The following LRRC4C variants were observed in gnomAD, a reference collection of about 807,000 sequenced individuals.
LRRC4C encodes leucine rich repeat containing 4C.
A neutral mutation model predicts 33.6 loss-of-function variants in LRRC4C; 5 were observed. The ratio of observed to expected loss-of-function variants is 0.15; its 90% CI spans 0.08 to 0.31. The LOEUF (loss-of-function observed/expected upper bound fraction) is 0.31, where lower values mean the gene tolerates loss of function less well. LRRC4C is among the 10% of genes least tolerant of loss of function. The pLI is 1.00. For synonymous variants in LRRC4C, 329 were observed against 302.0 expected (o/e 1.09, Z -0.93); for missense variants, 560 against 796.7 (o/e 0.70, Z 3.58).
intron 3 of LRRC4C, among the ~76,000 whole-genome samples, chr11:40,382,995 C>T (rs1018675063): frequency 1.3e-5 from 2 of 152,058 alleles, no homozygotes; most frequent in African/African-American, 4.8e-5. Context: ...TCCCGGCCAA[C>T]ATTGTACTCT....
chr11:41,368,867 T>A (rs1952640679), intron 1 of LRRC4C, among the ~76,000 whole-genome samples: 1 of 152,200 alleles, frequency 6.6e-6, no homozygotes, highest in African/African-American at 2.4e-5. Flanking sequence ...ATCCTAAATA[T>A]CCATTGTAAG....
chr11:40,676,630 C>G (rs1944418456), intron 2 of LRRC4C, among the ~76,000 whole-genome samples: 1 of 152,290 alleles, frequency 6.6e-6, no homozygotes, highest in East Asian at 1.9e-4. Flanking sequence ...AATTTGTCAG[C>G]ATTATAAGAT....
At chr11:40,516,867 G>C (rs1955580153) in intron 3 of LRRC4C, among the ~76,000 whole-genome samples, 1 of 152,090 alleles carries the variant, frequency 6.6e-6, no homozygotes, top group African/African-American at 2.4e-5. Flanking sequence ...AACTCAGAGG[G>C]GGATGTGTCA....
At chr11:40,779,343 A>G (rs1447845617) in intron 2 of LRRC4C, among the ~76,000 whole-genome samples, 2 of 152,240 alleles carry the variant, frequency 1.3e-5, no homozygotes, top group Non-Finnish European at 2.9e-5. Context: ...CATACATCCC[A>G]GAATGTTAAC....
intron 3 of LRRC4C, among the ~76,000 whole-genome samples, chr11:40,620,417 C>A (rs1962337660): frequency 6.6e-6 from 1 of 151,732 alleles, no homozygotes; most frequent in Admixed American, 6.6e-5. Flanking sequence ...CCATAAATTT[C>A]TCTTCCACGG....
chr11:40,244,935 A>G (rs1866212764), intron 4 of LRRC4C, among the ~76,000 whole-genome samples: 1 of 152,210 alleles, frequency 6.6e-6, no homozygotes, highest in African/African-American at 2.4e-5. Flanking sequence ...CTGTATAAAT[A>G]GACTTTTTCC....
At chr11:40,515,123 G>A (rs1433023140) in intron 3 of LRRC4C, among the ~76,000 whole-genome samples, 1 of 152,072 alleles carries the variant, frequency 6.6e-6, no homozygotes, top group Non-Finnish European at 1.5e-5. Flanking sequence ...ATCTATATGT[G>A]CTACTTTGGT....
At chr11:40,468,855 A>G (rs568249302) in intron 3 of LRRC4C, among the ~76,000 whole-genome samples, 1 of 152,318 alleles carries the variant, frequency 6.6e-6, no homozygotes, top group African/African-American at 2.4e-5. Context: ...AAAGACCCAT[A>G]TTTTATTAGG....
chr11:40,386,030 C>T (rs1249338610), intron 3 of LRRC4C, among the ~76,000 whole-genome samples: 1 of 150,176 alleles, frequency 6.7e-6, no homozygotes, highest in Non-Finnish European at 1.5e-5. Flanking sequence ...GCACATGTAC[C>T]CATGAAACGA....
At chr11:40,609,393 A>G (rs868359746) in intron 3 of LRRC4C, among the ~76,000 whole-genome samples, 13 of 152,076 alleles carry the variant, frequency 8.5e-5, no homozygotes, top group South Asian at 2.1e-4. Flanking sequence ...ACCAAAACTT[A>G]TCGGATACAA....
chr11:41,319,157 G>A (rs1950881612), intron 1 of LRRC4C, among the ~76,000 whole-genome samples: 1 of 152,076 alleles, frequency 6.6e-6, no homozygotes, highest in Admixed American at 6.6e-5. Context: ...GATGCCACAT[G>A]GATTTTATCT....
At chr11:40,325,064 A>T (rs991372118) in intron 3 of LRRC4C, among the ~76,000 whole-genome samples, 7 of 152,196 alleles carry the variant, frequency 4.6e-5, no homozygotes, top group Admixed American at 1.3e-4. Context: ...TATTATTATT[A>T]TTAGTCTTCT....
chr11:40,437,923 G>A (rs1187728898), intron 3 of LRRC4C, among the ~76,000 whole-genome samples: 3 of 152,170 alleles, frequency 2.0e-5, no homozygotes, highest in African/African-American at 7.2e-5. Flanking sequence ...GGCCAGGATG[G>A]TCTCGATCTC....
chr11:40,752,873 T>TCC (rs1259337421), intron 2 of LRRC4C, among the ~76,000 whole-genome samples: 5 of 152,076 alleles, frequency 3.3e-5, no homozygotes, highest in African/African-American at 7.2e-5. Flanking sequence ...TCAACCTAAG[T>TCC]ATCTGTCAAT....
chr11:40,976,566 A>G (rs1159897260), intron 1 of LRRC4C, among the ~76,000 whole-genome samples: 1 of 152,212 alleles, frequency 6.6e-6, no homozygotes, highest in African/African-American at 2.4e-5. Flanking sequence ...GGCACTAACC[A>G]AACTAGTGAG....
intron 1 of LRRC4C, among the ~76,000 whole-genome samples, chr11:41,171,911 A>G (rs916821918): frequency 6.6e-6 from 1 of 152,022 alleles, no homozygotes; most frequent in African/African-American, 2.4e-5. Flanking sequence ...GCTGCTGGGA[A>G]AAACAGTTAC....
chr11:40,900,699 T>A (rs1956162075), intron 2 of LRRC4C, among the ~76,000 whole-genome samples: 1 of 151,964 alleles, frequency 6.6e-6, no homozygotes, highest in Non-Finnish European at 1.5e-5. Flanking sequence ...GTTCATTTCT[T>A]TTTATCCTTA....
intron 2 of LRRC4C, among the ~76,000 whole-genome samples, chr11:40,898,883 A>G (rs1956086067): frequency 6.6e-6 from 1 of 152,176 alleles, no homozygotes; most frequent in African/African-American, 2.4e-5. Flanking sequence ...TGTCACTGAT[A>G]CACAAAGCTA....
At chr11:41,125,000 G>C (rs1468978931) in intron 1 of LRRC4C, among the ~76,000 whole-genome samples, 1 of 152,176 alleles carries the variant, frequency 6.6e-6, no homozygotes, top group Non-Finnish European at 1.5e-5. Context: ...TTGAGAGTGA[G>C]AGGCTACTGT....
Sources: allele counts gnomAD v4.1 joint callset (sites outside exome capture counted in the v4.1 genomes callset), GRCh38; gene constraint gnomAD v4.1.1; transcripts MANE v1.5; gene names NCBI Gene and HGNC (gene_info 2026-07-23, HGNC 2026-07-21).